The following USP48 variants were observed in gnomAD, a reference collection of about 807,000 sequenced individuals.
The protein encoded by USP48 is ubiquitin carboxyl-terminal hydrolase 48.
In USP48, 43 loss-of-function variants were observed where a neutral mutation model predicts 150.7. The ratio of observed to expected loss-of-function variants is 0.29; its 90% CI spans 0.22 to 0.37. USP48 has a LOEUF of 0.37. USP48 is among the 10% of genes least tolerant of loss of function. The probability of loss-of-function intolerance (pLI) is 1.00; values close to 1 mark genes in which losing one functional copy is unlikely to be tolerated. For missense variants in USP48, 813 were observed against 1,249.6 expected, an observed-to-expected ratio of 0.65 and a Z score of 5.27; for synonymous variants, 396 against 425.9, an observed-to-expected ratio of 0.93 and a Z score of 0.86.
Position 21,679,199 on chromosome 1 carries a change from T to TA in USP48, c.*217dup. ...TCCCACCCACCACCCCCCTTAAATA[T>TA]AAAATTGGAAACATTTCCTTCAAGT... On this transcript the variant is annotated 3_prime_UTR_variant, in exon 27 of 27. Coordinates refer to ENST00000308271, the MANE Select transcript of USP48 (RefSeq NM_032236.8). 2.3e-5 allele frequency: 8 copies of TA among 344,860 alleles called. No homozygotes were observed. Among genetic ancestry groups the TA allele is most frequent in the South Asian group, 7.3e-5 (3 of 41,084 alleles). The allele number at this position is 344,860 out of a possible 1,614,324, so 21.4% of individuals were successfully genotyped here.
At chr1:21,767,422 T>A (rs188181143) in intron 1 of USP48, among the ~76,000 whole-genome samples, 1 of 152,282 alleles carries the variant, frequency 6.6e-6, no homozygotes, top group Non-Finnish European at 1.5e-5. Context: ...CCTCCTGGTT[T>A]CAAGTGATTC....
intron 1 of USP48, among the ~76,000 whole-genome samples, chr1:21,774,972 C>T (rs185741239): frequency 3.2e-4 from 48 of 150,320 alleles, no homozygotes; most frequent in African/African-American, 1.2e-3. Flanking sequence ...GCCTGGGCAA[C>T]AAAGCTAGAC....
intron 8 of USP48, among the ~76,000 whole-genome samples, chr1:21,739,216 G>A (rs1047895020): frequency 4.6e-5 from 7 of 151,272 alleles, no homozygotes; most frequent in Admixed American, 2.0e-4. Flanking sequence ...GGAAACTAAG[G>A]TTTTTTTTTA....
intron 1 of USP48, among the ~76,000 whole-genome samples, chr1:21,770,161 CAAAA>C (rs34388606): frequency 7.3e-6 from 1 of 137,000 alleles, no homozygotes; most frequent in Non-Finnish European, 1.6e-5. Context: ...CGTCCTCCAC[CAAAA>C]AAAAAAAAAA....
At chr1:21,742,931 A>C (rs543847847) in intron 8 of USP48, among the ~76,000 whole-genome samples, 1 of 152,240 alleles carries the variant, frequency 6.6e-6, no homozygotes, top group Admixed American at 6.5e-5. Context: ...GCTCGGGTAG[A>C]GAGATCAGCC....
chr1:21,682,467 T>C (rs2097568583), intron 25 of USP48, among the ~76,000 whole-genome samples: 1 of 152,006 alleles, frequency 6.6e-6, no homozygotes, highest in Admixed American at 6.6e-5. Context: ...CCATTATTTA[T>C]AGGTTATTTT....
At chr1:21,698,832 T>C (rs1394848700) in intron 22 of USP48, among the ~76,000 whole-genome samples, 2 of 151,814 alleles carry the variant, frequency 1.3e-5, no homozygotes, top group African/African-American at 4.8e-5. Context: ...GAGGCGGAGC[T>C]TGCAGTGAGC....
intron 14 of USP48, among the ~76,000 whole-genome samples, chr1:21,717,500 G>A (rs2097707973): frequency 6.6e-6 from 1 of 151,570 alleles, no homozygotes; most frequent in African/African-American, 2.4e-5. Flanking sequence ...GTAAAAAAAT[G>A]GGCAAAGGAA....
intron 15 of USP48, among the ~76,000 whole-genome samples, chr1:21,708,899 AAAAGAAAG>A (rs1347879432): frequency 1.7e-5 from 1 of 57,896 alleles, no homozygotes; most frequent in East Asian, 3.2e-4. Flanking sequence ...AAAAAAAAAA[AAAAGAAAG>A]AAAAGAAAAG....
intron 25 of USP48, among the ~76,000 whole-genome samples, chr1:21,682,019 T>A (rs2097567311): frequency 6.6e-6 from 1 of 152,174 alleles, no homozygotes; most frequent in African/African-American, 2.4e-5. Context: ...CCCTTCACCA[T>A]CTTCTAGGGC....
rs147360022 is a variant in USP48, at chr1:21,687,384, G to A, written c.3010-145C>T. The A allele has an allele frequency of 6.5e-5, 49 of 757,026 alleles. No homozygotes were observed. The African/African-American group carries it at 7.7e-4, about 12-fold the overall frequency. 46.9% of individuals were successfully genotyped at this position (757,026 alleles called of 1,614,324 possible). ...AACTCAGTTTCAGCCACAGCCAGCA[G>A]CGTCCAGGTTTAACAGCAGATGCCC... On this transcript the variant is annotated intron_variant, in intron 24 of 26. Transcript: ENST00000308271.
intron 1 of USP48, among the ~76,000 whole-genome samples, chr1:21,761,998 G>A (rs906743244): frequency 1.2e-5 from 1 of 80,660 alleles, no homozygotes; most frequent in Non-Finnish European, 3.0e-5. Context: ...GGGTGCAGTG[G>A]CTCCTGCCTG....
At position 21,706,463 on chromosome 1, in the gene USP48, A is replaced by G. The variant is rs765649225; in HGVS notation, c.2211+4T>C. The G allele has an allele frequency of 1.2e-6, 2 of 1,614,072 alleles. No individual in the cohort carries two copies. Among genetic ancestry groups the G allele is most frequent in the Non-Finnish European group, 1.7e-6 (2 of 1,179,992 alleles). ...CATTCTTTCTTTTGTGGGAATCATTATACCTCTGGCCAGTTACTGAGACAC... is the reference window on the plus strand; with the variant it reads ...CATTCTTTCTTTTGTGGGAATCATTGTACCTCTGGCCAGTTACTGAGACAC... On this transcript the variant is annotated splice_donor_region_variant and intron_variant, in intron 17 of 26. Coordinates refer to ENST00000308271, the MANE Select transcript of USP48 (RefSeq NM_032236.8).
chr1:21,717,385 AAG>A (rs1372111046), intron 14 of USP48, among the ~76,000 whole-genome samples: 2 of 152,078 alleles, frequency 1.3e-5, no homozygotes, highest in Non-Finnish European at 2.9e-5. Flanking sequence ...GCCAGGGTGA[AAG>A]AGAGAGATCC....
At chr1:21,774,588 G>A (rs369213621) in intron 1 of USP48, among the ~76,000 whole-genome samples, 3 of 152,046 alleles carry the variant, frequency 2.0e-5, no homozygotes, top group South Asian at 2.1e-4. Flanking sequence ...TCAGGAGGCT[G>A]AGGCAGGAGA....
intron 2 of USP48, among the ~76,000 whole-genome samples, chr1:21,757,154 C>T (rs2152605577): frequency 6.6e-6 from 1 of 152,128 alleles, no homozygotes; most frequent in South Asian, 2.1e-4. Flanking sequence ...CAACTTTTTC[C>T]AAAGATAAGG....
intron 1 of USP48, among the ~76,000 whole-genome samples, chr1:21,781,539 G>A (rs2097914535): frequency 1.3e-5 from 2 of 152,178 alleles, no homozygotes; most frequent in East Asian, 3.9e-4. Flanking sequence ...CTCGAGACCA[G>A]CCTGGCCAAC....
chr1:21,778,980 A>G (rs1384156224), intron 1 of USP48, among the ~76,000 whole-genome samples: 1 of 151,874 alleles, frequency 6.6e-6, no homozygotes, highest in African/African-American at 2.4e-5. Flanking sequence ...ACGGAGTTTC[A>G]CCACGTTAGC....
intron 1 of USP48, among the ~76,000 whole-genome samples, chr1:21,781,186 A>G (rs554930672): frequency 6.7e-6 from 1 of 148,214 alleles, no homozygotes; most frequent in Non-Finnish European, 1.5e-5. Flanking sequence ...TGGGAGGCCA[A>G]GGCGGTCAAA....
Sources: allele counts gnomAD v4.1 joint callset (sites outside exome capture counted in the v4.1 genomes callset), GRCh38; gene constraint gnomAD v4.1.1; transcripts MANE v1.5; gene names NCBI Gene and HGNC (gene_info 2026-07-23, HGNC 2026-07-21).